TMPRSS11A: variants seen among roughly 807,000 people sequenced by gnomAD.
The protein encoded by TMPRSS11A is transmembrane serine protease 11A, also known as transmembrane protease serine 11A.
In TMPRSS11A, 53 loss-of-function variants were observed where a neutral mutation model predicts 58.9. The ratio of observed to expected loss-of-function variants is 0.90; its 90% CI spans 0.72 to 1.13. The LOEUF (loss-of-function observed/expected upper bound fraction) is 1.13. Among genes scored for constraint, TMPRSS11A ranks in the 50% most tolerant of loss-of-function variants. The pLI is 0.00. For missense variants in TMPRSS11A, 493 were observed against 499.3 expected (o/e 0.99, Z 0.12); for synonymous variants, 167 against 169.8 (o/e 0.98, Z 0.13).
chr4:67,920,545 A>AT (rs1389116751), intron 7 of TMPRSS11A, among the ~76,000 whole-genome samples: 2 of 88,682 alleles, frequency 2.3e-5, no homozygotes, highest in Admixed American at 1.0e-4. Flanking sequence ...ATATATATAT[A>AT]TATATTTTTT....
At position 67,924,629 on chromosome 4, in the gene TMPRSS11A, G is replaced by A. The variant is rs534428226; in HGVS notation, c.482-463C>T. ...GGACTCAGAGTTCCATGTGGCTGGG[G>A]AGGCCTCACAATCATGGAGGAAGGC... On this transcript the variant is annotated intron_variant, in intron 5 of 9. Transcript: ENST00000508048. 1.2e-4 allele frequency among the ~76,000 whole-genome samples: 19 copies of A among 152,280 alleles called. No homozygotes were observed. In the East Asian group the frequency reaches 3.1e-3, roughly 25 times the overall value.
At chr4:67,915,248 C>G (rs1269218340) in intron 8 of TMPRSS11A, among the ~76,000 whole-genome samples, 1 of 152,036 alleles carries the variant, frequency 6.6e-6, no homozygotes, top group Non-Finnish European at 1.5e-5. Flanking sequence ...GATTTCACTT[C>G]CAATGTATTA....
At chr4:67,945,569 T>A (rs1342068056) in intron 2 of TMPRSS11A, among the ~76,000 whole-genome samples, 1 of 152,190 alleles carries the variant, frequency 6.6e-6, no homozygotes, top group African/African-American at 2.4e-5. Flanking sequence ...GACCTGAGAA[T>A]CTTTTGCCAA....
chr4:67,922,014 ATATTTAATAAAATG>A, intron 7 of TMPRSS11A, among the ~76,000 whole-genome samples: 1 of 152,242 alleles, frequency 6.6e-6, no homozygotes, highest in Non-Finnish European at 1.5e-5. Flanking sequence ...ATTTAATCAT[ATATTTAATAAAATG>A]TATGCATTCA....
intron 5 of TMPRSS11A, among the ~76,000 whole-genome samples, chr4:67,926,213 G>T (rs1720462223): frequency 7.1e-6 from 1 of 141,362 alleles, no homozygotes; most frequent in Non-Finnish European, 1.6e-5. Flanking sequence ...TCTCCTGAAG[G>T]ACCCACACCA....
At chr4:67,943,724 T>C (rs1246784628) in intron 3 of TMPRSS11A, among the ~76,000 whole-genome samples, 1 of 152,078 alleles carries the variant, frequency 6.6e-6, no homozygotes, top group African/African-American at 2.4e-5. Context: ...TACAATATTA[T>C]TGTAAATATG....
intron 2 of TMPRSS11A, 123 bp from the exon 3 acceptor site, chr4:67,944,760 T>A: frequency 1.3e-6 from 1 of 752,498 alleles, no homozygotes; most frequent in Non-Finnish European, 2.1e-6. Flanking sequence ...GAGTTTTATT[T>A]AAAAAATAAC....
At chr4:67,924,944 CT>C (rs1316900927) in intron 5 of TMPRSS11A, among the ~76,000 whole-genome samples, 3 of 147,210 alleles carry the variant, frequency 2.0e-5, no homozygotes, top group African/African-American at 7.6e-5. Context: ...GCTTTGATCT[CT>C]TCTATTTACT....
intron 4 of TMPRSS11A, among the ~76,000 whole-genome samples, chr4:67,931,678 T>A (rs1249997530): frequency 6.6e-6 from 1 of 152,210 alleles, no homozygotes; most frequent in African/African-American, 2.4e-5. Context: ...GCTGCTGGGT[T>A]TTCCCCACGT....
chr4:67,926,337 T>G (rs1309895510), intron 5 of TMPRSS11A, among the ~76,000 whole-genome samples: 1 of 152,258 alleles, frequency 6.6e-6, no homozygotes, highest in East Asian at 1.9e-4. Flanking sequence ...TTCTATTTAT[T>G]GGTAGTCCAT....
intron 3 of TMPRSS11A, among the ~76,000 whole-genome samples, chr4:67,936,352 T>A (rs1720753315): frequency 7.5e-6 from 1 of 133,872 alleles, no homozygotes; most frequent in Non-Finnish European, 1.6e-5. Context: ...TTTTTTTGGA[T>A]CCAAGAAGTC....
At chr4:67,937,492 G>T (rs997406970) in intron 3 of TMPRSS11A, among the ~76,000 whole-genome samples, 3 of 152,164 alleles carry the variant, frequency 2.0e-5, no homozygotes, top group Admixed American at 6.5e-5. Flanking sequence ...AATTGATTTA[G>T]ATTTTAATAA....
At chr4:67,956,570 T>C (rs727535) in intron 1 of TMPRSS11A, among the ~76,000 whole-genome samples, 101,663 of 152,138 alleles carry the variant, frequency 0.67, 37,468 homozygotes, top group Non-Finnish European at 0.83. Flanking sequence ...CCCTATAAAA[T>C]AGGGCAGGGA....
chr4:67,938,464 G>A (rs562549683), intron 3 of TMPRSS11A, among the ~76,000 whole-genome samples: 1 of 152,104 alleles, frequency 6.6e-6, no homozygotes, highest in Non-Finnish European at 1.5e-5. Flanking sequence ...TGAGGACTTA[G>A]TCCTAAATTC....
chr4:67,937,954 C>A (rs1369966778), intron 3 of TMPRSS11A, among the ~76,000 whole-genome samples: 1 of 152,100 alleles, frequency 6.6e-6, no homozygotes, highest in East Asian at 1.9e-4. Context: ...AATAGTAGTT[C>A]CATTTTAAGT....
At chr4:67,947,384 T>C (rs1031295307) in intron 1 of TMPRSS11A, among the ~76,000 whole-genome samples, 2 of 152,008 alleles carry the variant, frequency 1.3e-5, no homozygotes, top group Non-Finnish European at 2.9e-5. Context: ...TCTAAAAGAG[T>C]CCTGCTTCTT....
At chr4:67,963,232 G>A in intron 1 of TMPRSS11A, 151 bp downstream of exon 1, 1 of 625,768 alleles carries the variant, frequency 1.6e-6, no homozygotes, top group Non-Finnish European at 2.6e-6. Context: ...ATTAATCCAG[G>A]ATGCTATGAT....
At chr4:67,935,100 A>G (rs1322834222) in intron 3 of TMPRSS11A, among the ~76,000 whole-genome samples, 1 of 152,234 alleles carries the variant, frequency 6.6e-6, no homozygotes, top group African/African-American at 2.4e-5. Flanking sequence ...AGGGATTTTT[A>G]AAAGACACTT....
chr4:67,924,513 A>G (rs1251053446), intron 5 of TMPRSS11A, among the ~76,000 whole-genome samples: 1 of 152,190 alleles, frequency 6.6e-6, no homozygotes, highest in African/African-American at 2.4e-5. Flanking sequence ...GATAAATGGG[A>G]CAGAGGAAAC....
Sources: allele counts gnomAD v4.1 joint callset (sites outside exome capture counted in the v4.1 genomes callset), GRCh38; gene constraint gnomAD v4.1.1; transcripts MANE v1.5; gene names NCBI Gene and HGNC (gene_info 2026-07-23, HGNC 2026-07-21).